ZNF816: variants seen among roughly 807,000 people sequenced by gnomAD.
ZNF816 encodes the protein zinc finger protein 816A.
A neutral mutation model predicts 8.3 loss-of-function variants in ZNF816; 11 were observed. The ratio of observed to expected loss-of-function variants is 1.32; its 90% confidence interval spans 0.83 to 2.19. The LOEUF (loss-of-function observed/expected upper bound fraction) is 2.19, where lower values mean the gene tolerates loss of function less well. Among genes scored for constraint, ZNF816 ranks in the 30% most tolerant of loss-of-function variants. ZNF816 has a pLI of 0.00. For synonymous variants in ZNF816, 255 were observed against 254.5 expected (o/e 1.00, Z -0.02); for missense variants, 710 against 779.3 (o/e 0.91, Z 1.06).
intron 1 of ZNF816, among the ~76,000 whole-genome samples, chr19:52,961,552 A>G (rs781535268): frequency 1.2e-4 from 19 of 152,220 alleles, no homozygotes; most frequent in Non-Finnish European, 2.5e-4. Context: ...ACCCACTAGA[A>G]CTAATAATCA....
chr19:52,953,460 T>TTATA (rs1266197351), intron 2 of ZNF816: 1 of 95,684 alleles, frequency 1.0e-5, no homozygotes, highest in Admixed American at 1.1e-4. Context: ...TAATATATAC[T>TTATA]TATATATATT....
chr19:52,958,105 T>C (rs952142532), intron 1 of ZNF816, among the ~76,000 whole-genome samples: 1 of 152,118 alleles, frequency 6.6e-6, no homozygotes, highest in African/African-American at 2.4e-5. Context: ...ATCTTGAAAG[T>C]ATCCAGGTCC....
chr19:52,959,189 A>G (rs567107955), intron 1 of ZNF816, among the ~76,000 whole-genome samples: 2 of 152,258 alleles, frequency 1.3e-5, no homozygotes, highest in Non-Finnish European at 2.9e-5. Context: ...AAACCTGAAC[A>G]TAAAGGCCCC....
At position 52,949,976 on chromosome 19, in the gene ZNF816, T is replaced by C; in HGVS notation, c.1799A>G (p.Lys600Arg). 7 of 1,614,024 alleles carry C rather than the reference T, an allele frequency of 4.3e-6. No individual in the cohort carries two copies. The highest frequency in any genetic ancestry group is 5.9e-6 in the Non-Finnish European group (7 of 1,179,926). The change falls in exon 4 of 4, where the codon AAG (lysine) becomes AGG (arginine). Residue 600 changes from lysine to arginine, a missense_variant. By Grantham distance (26) the Lys-to-Arg change is conservative (BLOSUM62 2). Coordinates refer to ENST00000444460, the MANE Select transcript of ZNF816 (RefSeq NM_001202457.3). ...EKPYKCNECGKVFNQKASLAK... is the reference protein window; with the variant it reads ...EKPYKCNECGRVFNQKASLAK... ...AAGGCTTGCTTTTTGATTAAAAACC[T>C]TGCCACATTCATTACACTTGTAAGG...
intron 1 of ZNF816, 169 bp from the exon 2 acceptor site, chr19:52,956,273 T>G (rs2083509770): frequency 1.4e-6 from 1 of 719,524 alleles, no homozygotes; most frequent in Admixed American, 3.1e-5. Flanking sequence ...GACCTACAAA[T>G]GTAATTTTGA....
intron 1 of ZNF816, among the ~76,000 whole-genome samples, chr19:52,961,946 AT>A (rs1308433519): frequency 2.0e-5 from 3 of 152,202 alleles, no homozygotes; most frequent in East Asian, 3.9e-4. Flanking sequence ...AACCTCAGTT[AT>A]TAGACAATAC....
At chr19:52,952,017 T>C (rs1037292023) in intron 3 of ZNF816, 1 of 397,706 alleles carries the variant, frequency 2.5e-6, no homozygotes, top group Non-Finnish European at 4.4e-6. Context: ...TGACCATTCG[T>C]TTATGTGATG....
chr19:52,960,637 T>C (rs1450759584), intron 1 of ZNF816, among the ~76,000 whole-genome samples: 1 of 152,146 alleles, frequency 6.6e-6, no homozygotes, highest in Non-Finnish European at 1.5e-5. Context: ...TAGCTTATTC[T>C]CCCCAGTTCA....
chr19:52,950,657 T>G lies in ZNF816; in HGVS notation c.1118A>C (p.Glu373Ala). 2 of 1,614,176 alleles carry G rather than the reference T, an allele frequency of 1.2e-6. No individual in the cohort carries two copies. The highest frequency in any genetic ancestry group is 4.5e-5 in the East Asian group (2 of 44,862). ...TTTCTGACTGAAGGTCTTGCCACAC[T>G]CATTACACTTGTAAGGTTTCTCTCC... ...HTGEKPYKCN[E>A]CGKTFSQKSS... Residue 373 changes from glutamate (E) to alanine (A), a missense_variant, in exon 4 of 4, where the codon GAG becomes GCG. Coordinates refer to ENST00000444460, the MANE Select transcript of ZNF816 (RefSeq NM_001202457.3).
At chr19:52,961,442 T>C (rs1369546098) in intron 1 of ZNF816, among the ~76,000 whole-genome samples, 2 of 152,234 alleles carry the variant, frequency 1.3e-5, no homozygotes, top group East Asian at 3.8e-4. Flanking sequence ...ATTTGCCTGT[T>C]GCCCATGTGT....
rs2083518015 is a variant in ZNF816 at position 52,957,217 on chromosome 19, C to T, written c.-15-1113G>A. On this transcript the variant is annotated intron_variant, in intron 1 of 3. Coordinates refer to ENST00000444460, the MANE Select transcript of ZNF816 (RefSeq NM_001202457.3). The surrounding 1 kb of genome is among the most constrained non-coding windows in gnomAD (Gnocchi z 4.6). Reference sequence around the variant, plus strand: ...TCGTCATGCTACATTTCTTGGTTCCCTGACTTGGAAGCGAGGTAATTAACA... The same window carrying T: ...TCGTCATGCTACATTTCTTGGTTCCTTGACTTGGAAGCGAGGTAATTAACA... Among the ~76,000 whole-genome samples, 1 of 152,114 alleles carries T rather than the reference C, an allele frequency of 6.6e-6. No homozygotes were observed. The highest frequency in any genetic ancestry group is 6.5e-5 in the Admixed American group (1 of 15,268).
rs2083448537 is a variant in ZNF816, at chr19:52,950,617, G to A, written c.1158C>T (p.Cys386=). The change falls in exon 4 of 4, where the codon TGC becomes TGT. Residue 386 remains cysteine (C), a synonymous_variant. Coordinates refer to ENST00000444460, the MANE Select transcript of ZNF816 (RefSeq NM_001202457.3). ...TCTCTCCAGTGTGAAGTATATGATGGCATTGAAGGGATGATTTCTGACTGA... is the reference window on the plus strand; with the variant it reads ...TCTCTCCAGTGTGAAGTATATGATGACATTGAAGGGATGATTTCTGACTGA... ...KTFSQKSSLQ[C]HHILHTGEKP... 4.3e-6 allele frequency: 7 copies of A among 1,614,012 alleles called. No individual in the cohort carries two copies. Among genetic ancestry groups the A allele is most frequent in the East Asian group, 2.2e-5 (1 of 44,838 alleles).
intron 1 of ZNF816, among the ~76,000 whole-genome samples, chr19:52,958,332 A>G (rs2083527945): frequency 3.9e-5 from 6 of 152,260 alleles, no homozygotes; most frequent in Admixed American, 3.9e-4. Flanking sequence ...TCTGGCTTAG[A>G]CCTGAAAGAC....
chr19:52,949,715 C>G lies in ZNF816; in HGVS notation c.*104G>C, dbSNP rs570977624. The stretch of plus-strand genomic sequence containing the variant: ...ATGAACTACAAGTTATGAATGACGT[C>G]TGAAAAATTTGCCACATTTATTACA... On this transcript the variant is annotated 3_prime_UTR_variant, in exon 4 of 4. Coordinates refer to ENST00000444460, the MANE Select transcript of ZNF816 (RefSeq NM_001202457.3). 3.2e-6 allele frequency: 5 copies of G among 1,550,588 alleles called. No individual in the cohort carries two copies. The South Asian group carries it at 5.7e-5, about 18-fold the overall frequency.
Position 52,950,809 on chromosome 19 carries a change from GA to G in ZNF816, c.965del (p.Phe322SerfsTer36). On this transcript the variant is annotated frameshift_variant, in exon 4 of 4. Coordinates refer to ENST00000444460, the MANE Select transcript of ZNF816 (RefSeq NM_001202457.3). LOFTEE classifies it low-confidence loss of function (END_TRUNC). ...PYKCNECGKT[F>X]SEKSSLRCHR... is the part of the protein sequence containing the mutation. ...GGCATCTAAGGGATGACTTCTCACT[GA>G]AGGTCTTGCCACACTCATTACACTT... The G allele has an allele frequency of 6.2e-7, 1 of 1,607,528 alleles. No homozygotes were observed. Among genetic ancestry groups the G allele is most frequent in the East Asian group, 2.2e-5 (1 of 44,830 alleles).
chr19:52,952,147 T>C (rs200327027), intron 3 of ZNF816, among the ~76,000 whole-genome samples: 10 of 152,180 alleles, frequency 6.6e-5, no homozygotes, highest in Admixed American at 1.3e-4. Flanking sequence ...GGTGGGCAAA[T>C]TGCTTGAGGC....
At position 52,949,989 on chromosome 19, in the gene ZNF816, T is replaced by A; in HGVS notation, c.1786A>T (p.Asn596Tyr). ...VHTGEKPYKC[N>Y]ECGKVFNQKA... The stretch of plus-strand genomic sequence containing the variant: ...TGATTAAAAACCTTGCCACATTCAT[T>A]ACACTTGTAAGGTTTCTCTCCAGTA... Residue 596 changes from asparagine to tyrosine, a missense_variant, in exon 4 of 4, where the codon AAT becomes TAT. Coordinates refer to ENST00000444460, the MANE Select transcript of ZNF816 (RefSeq NM_001202457.3). The A allele has an allele frequency of 2.5e-6, 4 of 1,613,960 alleles. No homozygotes were observed. The highest frequency in any genetic ancestry group is 2.5e-6 in the Non-Finnish European group (3 of 1,179,916).
chr19:52,951,843 T>G lies in ZNF816; in HGVS notation c.191-259A>C, dbSNP rs912157394. Reference sequence around the variant, plus strand: ...AAGCCAGGAGGCAGAGGTTGCAGCATGCGGAGATCACCACATTGCACTCCA... The same window carrying G: ...AAGCCAGGAGGCAGAGGTTGCAGCAGGCGGAGATCACCACATTGCACTCCA... On this transcript the variant is annotated intron_variant, in intron 3 of 3. Transcript: ENST00000444460. The G allele has an allele frequency of 8.7e-6, 4 of 460,670 alleles. No individual in the cohort carries two copies. In the Admixed American group the frequency reaches 1.5e-4, roughly 18 times the overall value. The allele number at this position is 460,670 out of a possible 1,614,324, so 28.5% of individuals were successfully genotyped here.
intron 1 of ZNF816, among the ~76,000 whole-genome samples, chr19:52,961,146 G>A (rs2083553160): frequency 6.6e-6 from 1 of 152,096 alleles, no homozygotes; most frequent in Non-Finnish European, 1.5e-5. Flanking sequence ...TCAATACAAG[G>A]TACGTAGCCC....
Sources: allele counts gnomAD v4.1 joint callset (sites outside exome capture counted in the v4.1 genomes callset), GRCh38; gene constraint gnomAD v4.1.1; non-coding constraint Gnocchi (gnomAD v3.1); transcripts MANE v1.5; gene names NCBI Gene and HGNC (gene_info 2026-07-23, HGNC 2026-07-21).